Variants in ZNF536 observed in about 807,000 individuals in gnomAD.
ZNF536 encodes zinc finger protein 536.
ZNF536 carries 13 observed loss-of-function variants against 84.5 expected under a neutral mutation model. That is an observed-to-expected ratio of 0.15 (90% CI 0.10 to 0.24). ZNF536 has a LOEUF of 0.24. Among genes scored for constraint, ZNF536 ranks in the 10% least tolerant of loss-of-function variants. The pLI is 1.00. For synonymous variants in ZNF536, 811 were observed against 742.5 expected, an observed-to-expected ratio of 1.09 and a Z score of -1.50; for missense variants, 1,536 against 1,747.5, an observed-to-expected ratio of 0.88 and a Z score of 2.16.
intron 1 of ZNF536, among the ~76,000 whole-genome samples, chr19:30,373,156 G>A (rs1346131094): frequency 6.6e-6 from 1 of 152,216 alleles, no homozygotes; most frequent in African/African-American, 2.4e-5. Context: ...CCACCTGGGA[G>A]AAGACTAGGT....
chr19:30,257,695 T>C (rs755836505), intron 1 of ZNF536, among the ~76,000 whole-genome samples: 1 of 152,202 alleles, frequency 6.6e-6, no homozygotes, highest in Non-Finnish European at 1.5e-5. Flanking sequence ...TTGAATGCTG[T>C]TGCTGGCCTG....
chr19:30,491,004 C>T (rs527586373), intron 2 of ZNF536, among the ~76,000 whole-genome samples: 22 of 151,956 alleles, frequency 1.4e-4, no homozygotes, highest in Admixed American at 7.2e-4. Flanking sequence ...GGTTAGGAGG[C>T]GGGGGAAGGT....
At chr19:30,660,110 C>G (rs1210162230) in intron 1 of ZNF536, among the ~76,000 whole-genome samples, 1 of 152,170 alleles carries the variant, frequency 6.6e-6, no homozygotes, top group African/African-American at 2.4e-5. Flanking sequence ...AGGCTGGTCA[C>G]TTTGCCTATT....
intron 1 of ZNF536, among the ~76,000 whole-genome samples, chr19:30,617,314 A>C (rs1252287113): frequency 7.6e-5 from 7 of 91,968 alleles, no homozygotes; most frequent in South Asian, 4.1e-4. Flanking sequence ...CCCAGAGTCC[A>C]CCATATCTGA....
intron 1 of ZNF536, among the ~76,000 whole-genome samples, chr19:30,416,359 G>C (rs970056404): frequency 2.4e-4 from 33 of 138,586 alleles, no homozygotes; most frequent in Non-Finnish European, 3.1e-4. Context: ...CTTCACATTT[G>C]TAGTGAGCTA....
At chr19:30,565,165 T>C (rs1049280009) in intron 1 of ZNF536, among the ~76,000 whole-genome samples, 1 of 141,380 alleles carries the variant, frequency 7.1e-6, no homozygotes, top group Non-Finnish European at 1.6e-5. Flanking sequence ...TAGACCCCTT[T>C]CCTTTTTTTT....
intron 1 of ZNF536, among the ~76,000 whole-genome samples, chr19:30,389,524 G>T (rs892246451): frequency 1.3e-5 from 2 of 152,148 alleles, no homozygotes; most frequent in Non-Finnish European, 2.9e-5. Flanking sequence ...GTTCAGTACA[G>T]ATACGACTAG....
At chr19:30,323,685 C>T (rs2046931122) in intron 2 of ZNF536, among the ~76,000 whole-genome samples, 1 of 152,180 alleles carries the variant, frequency 6.6e-6, no homozygotes. Context: ...AAGCCATCCT[C>T]CTTCTCATGG....
chr19:30,304,545 C>T (rs2046289381), intron 2 of ZNF536, among the ~76,000 whole-genome samples: 1 of 152,196 alleles, frequency 6.6e-6, no homozygotes, highest in African/African-American at 2.4e-5. Context: ...GGGCCTGGAC[C>T]TCTGCGGGGG....
intron 1 of ZNF536, among the ~76,000 whole-genome samples, chr19:30,261,382 G>A (rs1482395960): frequency 1.3e-5 from 2 of 151,048 alleles, no homozygotes; most frequent in Non-Finnish European, 2.9e-5. Flanking sequence ...CTTAAGGTGA[G>A]GCTAACTTAT....
intron 1 of ZNF536, among the ~76,000 whole-genome samples, chr19:30,669,226 T>C (rs920790498): frequency 6.6e-6 from 1 of 152,222 alleles, no homozygotes; most frequent in Non-Finnish European, 1.5e-5. Context: ...GACCTGCAGC[T>C]GGGTAGACTG....
At chr19:30,253,784 G>C (rs2024754098) in intron 1 of ZNF536, among the ~76,000 whole-genome samples, 1 of 152,094 alleles carries the variant, frequency 6.6e-6, no homozygotes, top group Admixed American at 6.6e-5. Context: ...CTTTGAGATG[G>C]GTAATTGGTG....
At chr19:30,266,471 C>A (rs111933856) in intron 1 of ZNF536, among the ~76,000 whole-genome samples, 1 of 152,142 alleles carries the variant, frequency 6.6e-6, no homozygotes, top group African/African-American at 2.4e-5. Context: ...CCCAAGGGAA[C>A]GGTTGGCATA....
chr19:30,580,280 G>A (rs193115580), intron 1 of ZNF536, among the ~76,000 whole-genome samples: 159 of 152,282 alleles, frequency 1.0e-3, no homozygotes, highest in East Asian at 7.7e-4. Flanking sequence ...ATGCTTTCTG[G>A]TTTGTGCTAC....
intron 1 of ZNF536, among the ~76,000 whole-genome samples, chr19:30,599,234 C>T (rs1273879187): frequency 3.3e-5 from 3 of 91,454 alleles, no homozygotes; most frequent in Non-Finnish European, 6.6e-5. Flanking sequence ...CCCCCTCCCT[C>T]CACCCCTCCC....
At chr19:30,524,324 G>A (rs2044487141) in intron 2 of ZNF536, among the ~76,000 whole-genome samples, 1 of 152,142 alleles carries the variant, frequency 6.6e-6, no homozygotes. Flanking sequence ...CAATATTTGT[G>A]GTTATAAGGT....
intron 1 of ZNF536, among the ~76,000 whole-genome samples, chr19:30,597,956 A>G (rs2047526782): frequency 6.6e-6 from 1 of 152,088 alleles, no homozygotes; most frequent in African/African-American, 2.4e-5. Flanking sequence ...TTATTGTTGT[A>G]TGCATGTTAT....
At chr19:30,604,336 A>G (rs146721844) in intron 1 of ZNF536, among the ~76,000 whole-genome samples, 229 of 152,332 alleles carry the variant, frequency 1.5e-3, no homozygotes, top group African/African-American at 5.2e-3. Context: ...AAAAATATTC[A>G]CATTTATAAG....
At chr19:30,357,367 G>A (rs1248577354) in intron 3 of ZNF536, among the ~76,000 whole-genome samples, 1 of 152,146 alleles carries the variant, frequency 6.6e-6, no homozygotes, top group Non-Finnish European at 1.5e-5. Flanking sequence ...CAGCGTGTAG[G>A]CCAGCGTGGC....
Sources: allele counts gnomAD v4.1 joint callset (sites outside exome capture counted in the v4.1 genomes callset), GRCh38; gene constraint gnomAD v4.1.1; transcripts MANE v1.5; gene names NCBI Gene and HGNC (gene_info 2026-07-23, HGNC 2026-07-21).